FOXJ3: variants seen among roughly 807,000 people sequenced by gnomAD.
FOXJ3 encodes the protein forkhead box protein J3.
A neutral mutation model predicts 76.1 loss-of-function variants in FOXJ3; 22 were observed. The observed-to-expected ratio is 0.29, with a 90% CI of 0.21 to 0.41. The LOEUF (loss-of-function observed/expected upper bound fraction) is 0.41, where lower values mean the gene tolerates loss of function less well. Ranked by LOEUF, FOXJ3 falls within the 10% of genes least tolerant of loss-of-function variation. The pLI is 1.00. For synonymous variants in FOXJ3, 269 were observed against 261.2 expected, an observed-to-expected ratio of 1.03 and a Z score of -0.29; for missense variants, 613 against 762.1, an observed-to-expected ratio of 0.80 and a Z score of 2.30.
At position 42,277,741 on chromosome 1, in the gene FOXJ3, G is replaced by A. The variant is rs933337942; in HGVS notation, c.369+607C>T. 1.5e-4 allele frequency among the ~76,000 whole-genome samples: 8 copies of A among 54,336 alleles called. 4 individuals are homozygous for A. Among genetic ancestry groups the A allele is most frequent in the African/African-American group, 4.6e-4 (8 of 17,266 alleles). 35.6% of individuals were successfully genotyped at this position (54,336 alleles called of 152,430 possible). On this transcript the variant is annotated intron_variant, in intron 3 of 12. Coordinates refer to ENST00000361346, the MANE Select transcript of FOXJ3 (RefSeq NM_014947.5). ...GAACCCGGGAGGCGGAGCTTGCAGT[G>A]AGCCGAGATCCCGCCACTGCACTCC... is the stretch of plus-strand genomic sequence containing the variant.
chr1:42,290,902 C>A (rs867226899), intron 2 of FOXJ3, among the ~76,000 whole-genome samples: 12 of 152,216 alleles, frequency 7.9e-5, no homozygotes, highest in Middle Eastern at 3.4e-3. Context: ...GCTCTTTTCT[C>A]AATTTCAAAA....
intron 4 of FOXJ3, among the ~76,000 whole-genome samples, chr1:42,264,444 A>C (rs1651315413): frequency 6.6e-6 from 1 of 152,150 alleles, no homozygotes; most frequent in African/African-American, 2.4e-5. Flanking sequence ...AAATATAAGA[A>C]GTCTAGCCAC....
At chr1:42,248,567 T>C (rs1160517375) in intron 4 of FOXJ3, among the ~76,000 whole-genome samples, 1 of 149,760 alleles carries the variant, frequency 6.7e-6, no homozygotes, top group South Asian at 2.1e-4. Flanking sequence ...ACATTTATGG[T>C]ATGTAAATTT....
At chr1:42,198,628 T>C (rs1646699958) in intron 7 of FOXJ3, among the ~76,000 whole-genome samples, 2 of 152,274 alleles carry the variant, frequency 1.3e-5, no homozygotes, top group South Asian at 4.1e-4. Context: ...TAGCATGGCT[T>C]TTCCCCCCGT....
chr1:42,179,702 A>C lies in FOXJ3; in HGVS notation c.*8T>G. On this transcript the variant is annotated 3_prime_UTR_variant, in exon 13 of 13. Coordinates refer to ENST00000361346, the MANE Select transcript of FOXJ3 (RefSeq NM_014947.5). ...ACGTTAGGGTCTGGTGTCTTGCAGA[A>C]ACAAGCCCTACACAATTGAATCCCA... The C allele has an allele frequency of 6.4e-7, 1 of 1,560,432 alleles. No homozygotes were observed. The highest frequency in any genetic ancestry group is 8.8e-7 in the Non-Finnish European group (1 of 1,131,032).
chr1:42,334,764 C>G (rs1369905137), intron 1 of FOXJ3, among the ~76,000 whole-genome samples: 1 of 151,342 alleles, frequency 6.6e-6, no homozygotes, highest in East Asian at 2.0e-4. Context: ...TCTGGTTCCC[C>G]GGTGCCCCGC....
intron 1 of FOXJ3, among the ~76,000 whole-genome samples, chr1:42,320,785 T>C (rs1655387270): frequency 6.6e-6 from 1 of 152,230 alleles, no homozygotes; most frequent in Admixed American, 6.5e-5. Flanking sequence ...TTTAAAGGTA[T>C]TCACTAAACA....
chr1:42,249,124 T>C (rs1396187434), intron 4 of FOXJ3, among the ~76,000 whole-genome samples: 2 of 152,208 alleles, frequency 1.3e-5, no homozygotes, highest in Non-Finnish European at 1.5e-5. Context: ...GGTGTATATG[T>C]ACCATATTCT....
In FOXJ3 at chr1:42,311,041, A is replaced by G; in HGVS notation, c.44+9T>C. The stretch of plus-strand genomic sequence containing the variant: ...TGTTCTAATAAAGAAAAAAAAAAAG[A>G]GCACTCACCTTAATGAAGTTACAGA... On this transcript the variant is annotated intron_variant, in intron 2 of 12. Transcript: ENST00000361346. 1.3e-6 allele frequency: 2 copies of G among 1,549,386 alleles called. No individual in the cohort carries two copies. Among genetic ancestry groups the G allele is most frequent in the Non-Finnish European group, 8.8e-7 (1 of 1,141,106 alleles).
At chr1:42,282,922 T>C (rs1652819294) in intron 2 of FOXJ3, among the ~76,000 whole-genome samples, 1 of 152,242 alleles carries the variant, frequency 6.6e-6, no homozygotes, top group Non-Finnish European at 1.5e-5. Flanking sequence ...GAAACTTTCA[T>C]GACTGAAATA....
At chr1:42,209,845 T>C (rs1646932157) in intron 5 of FOXJ3, among the ~76,000 whole-genome samples, 1 of 152,150 alleles carries the variant, frequency 6.6e-6, no homozygotes, top group African/African-American at 2.4e-5. Context: ...TGATATAATC[T>C]TGAGTGCAGA....
At chr1:42,264,213 G>A (rs1651298180) in intron 4 of FOXJ3, among the ~76,000 whole-genome samples, 1 of 151,946 alleles carries the variant, frequency 6.6e-6, no homozygotes, top group Admixed American at 6.6e-5. Context: ...AAGACCATAT[G>A]AATAGCATGT....
intron 4 of FOXJ3, among the ~76,000 whole-genome samples, chr1:42,230,131 TG>T (rs1431646120): frequency 6.6e-6 from 1 of 152,250 alleles, no homozygotes; most frequent in Admixed American, 6.5e-5. Context: ...CATAAAATCC[TG>T]AACGCCTAAA....
intron 11 of FOXJ3, 91 bp downstream of exon 11, chr1:42,188,646 C>T (rs532805323): frequency 1.3e-4 from 96 of 731,700 alleles, no homozygotes; most frequent in Non-Finnish European, 1.9e-4. Flanking sequence ...TCACTGTCAC[C>T]ATTAGCAGCA....
At chr1:42,300,833 G>A (rs1654097773) in intron 2 of FOXJ3, among the ~76,000 whole-genome samples, 1 of 152,086 alleles carries the variant, frequency 6.6e-6, no homozygotes, top group Non-Finnish European at 1.5e-5. Flanking sequence ...CTAAAAATAG[G>A]CCCCCAATCT....
chr1:42,189,527 T>C, intron 9 of FOXJ3, 123 bp from the exon 10 acceptor site: 1 of 665,876 alleles, frequency 1.5e-6, no homozygotes, highest in Non-Finnish European at 2.7e-6. Flanking sequence ...ACAAGGGGAT[T>C]TGTACCCATT....
chr1:42,181,650 A>G (rs1343551722), intron 12 of FOXJ3, among the ~76,000 whole-genome samples: 1 of 152,226 alleles, frequency 6.6e-6, no homozygotes, highest in Non-Finnish European at 1.5e-5. Context: ...ACAAGTGCCA[A>G]GTGGCTGTCC....
intron 4 of FOXJ3, among the ~76,000 whole-genome samples, chr1:42,259,343 C>T (rs1214224309): frequency 6.6e-6 from 1 of 152,130 alleles, no homozygotes; most frequent in Admixed American, 6.5e-5. Flanking sequence ...AATAGAATTA[C>T]ACACCAAAGA....
At chr1:42,278,788 G>C in intron 2 of FOXJ3, 116 bp from the exon 3 acceptor site, 1 of 701,370 alleles carries the variant, frequency 1.4e-6, no homozygotes, top group Non-Finnish European at 2.4e-6. Flanking sequence ...GTTACATCTG[G>C]AGGAAAAAGA....
Sources: allele counts gnomAD v4.1 joint callset (sites outside exome capture counted in the v4.1 genomes callset), GRCh38; gene constraint gnomAD v4.1.1; transcripts MANE v1.5; gene names NCBI Gene and HGNC (gene_info 2026-07-23, HGNC 2026-07-21).